CTNNA2: variants seen among roughly 807,000 people sequenced by gnomAD.
CTNNA2 encodes catenin alpha-2.
In CTNNA2, 42 loss-of-function variants were observed where a neutral mutation model predicts 101.0. The observed-to-expected ratio is 0.42, with a 90% confidence interval of 0.32 to 0.54. The LOEUF is 0.54. CTNNA2 is among the 20% of genes least tolerant of loss of function. The pLI is 0.14. For synonymous variants in CTNNA2, 450 were observed against 456.4 expected (o/e 0.99, Z 0.18); for missense variants, 871 against 1,223.1 (o/e 0.71, Z 4.29).
chr2:79,600,780 A>G (rs7571081), intron 1 of CTNNA2, among the ~76,000 whole-genome samples: 22,073 of 152,056 alleles, frequency 0.15, 2,582 homozygotes, highest in African/African-American at 0.33. Flanking sequence ...AGGCAGCAGC[A>G]AATCCTATAT....
intron 7 of CTNNA2, among the ~76,000 whole-genome samples, chr2:80,176,048 T>C (rs1473734800): frequency 6.6e-6 from 1 of 152,200 alleles, no homozygotes; most frequent in Non-Finnish European, 1.5e-5. Flanking sequence ...CTGACTCAAA[T>C]GTTAATCCCC....
intron 7 of CTNNA2, among the ~76,000 whole-genome samples, chr2:79,996,913 G>A (rs1178577089): frequency 6.6e-6 from 1 of 152,078 alleles, no homozygotes; most frequent in African/African-American, 2.4e-5. Flanking sequence ...GGAGAGTCGT[G>A]ATCAGTTGGC....
At chr2:80,385,392 C>T (rs1676906221) in intron 7 of CTNNA2, among the ~76,000 whole-genome samples, 1 of 152,152 alleles carries the variant, frequency 6.6e-6, no homozygotes, top group Non-Finnish European at 1.5e-5. Context: ...AAAAAGAAGA[C>T]AGCCTTCTTG....
intron 2 of CTNNA2, among the ~76,000 whole-genome samples, chr2:79,731,379 T>C (rs894895907): frequency 1.3e-5 from 2 of 152,116 alleles, no homozygotes; most frequent in Admixed American, 6.6e-5. Context: ...GTGGTTGATA[T>C]CTGTTTTCTG....
At chr2:80,540,594 C>T (rs1231544782) in intron 9 of CTNNA2, among the ~76,000 whole-genome samples, 1 of 109,372 alleles carries the variant, frequency 9.1e-6, no homozygotes, top group African/African-American at 3.9e-5. Flanking sequence ...GAGACTCCAT[C>T]TCAAAAAAAA....
chr2:80,117,603 A>G (rs1169975997), intron 7 of CTNNA2, among the ~76,000 whole-genome samples: 1 of 152,022 alleles, frequency 6.6e-6, no homozygotes, highest in Non-Finnish European at 1.5e-5. Context: ...GGAAAGCTTC[A>G]TGCCCCAACC....
At chr2:79,651,417 A>G in intron 1 of CTNNA2, 135 bp from the exon 2 acceptor site, 1 of 781,268 alleles carries the variant, frequency 1.3e-6, no homozygotes, top group Non-Finnish European at 2.1e-6. Flanking sequence ...TTCCATCTCT[A>G]ATTTGACCAG....
chr2:79,532,641 T>A (rs1672814215), intron 1 of CTNNA2, among the ~76,000 whole-genome samples: 1 of 151,960 alleles, frequency 6.6e-6, no homozygotes, highest in South Asian at 2.1e-4. Flanking sequence ...TTTTGGAACA[T>A]CCAAAAACCG....
chr2:79,681,573 T>C (rs1345594423), intron 2 of CTNNA2, among the ~76,000 whole-genome samples: 1 of 152,318 alleles, frequency 6.6e-6, no homozygotes, highest in East Asian at 1.9e-4. Flanking sequence ...TGTCCACAAG[T>C]GTTATTAGTG....
At chr2:80,072,788 G>A (rs983695080) in intron 7 of CTNNA2, among the ~76,000 whole-genome samples, 2 of 152,144 alleles carry the variant, frequency 1.3e-5, no homozygotes, top group African/African-American at 4.8e-5. Flanking sequence ...AGAAAATAGG[G>A]AGGGTCAAGG....
intron 12 of CTNNA2, among the ~76,000 whole-genome samples, chr2:80,563,793 C>T (rs1012857807): frequency 2.0e-5 from 3 of 152,132 alleles, no homozygotes; most frequent in Admixed American, 6.6e-5. Context: ...GTACCTGTTA[C>T]TCTTATTATC....
At chr2:80,136,323 T>C (rs1362688038) in intron 7 of CTNNA2, among the ~76,000 whole-genome samples, 1 of 152,170 alleles carries the variant, frequency 6.6e-6, no homozygotes, top group Admixed American at 6.5e-5. Flanking sequence ...AGCCTTAGCA[T>C]CTGATTTGTA....
intron 2 of CTNNA2, among the ~76,000 whole-genome samples, chr2:79,740,303 C>T (rs1363269499): frequency 6.6e-6 from 1 of 152,152 alleles, no homozygotes; most frequent in Non-Finnish European, 1.5e-5. Context: ...CCTCTAGCTC[C>T]ATCCATGATC....
At chr2:80,133,635 G>GA (rs1208557868) in intron 7 of CTNNA2, among the ~76,000 whole-genome samples, 4 of 152,200 alleles carry the variant, frequency 2.6e-5, no homozygotes, top group South Asian at 2.1e-4. Flanking sequence ...CATGTGTATA[G>GA]AAAAAAATTG....
Position 80,541,946 on chromosome 2 carries a change from A to G in CTNNA2, c.1291-3036A>G, listed in dbSNP as rs546000325. On this transcript the variant is annotated intron_variant, in intron 9 of 18. Transcript: ENST00000402739. The stretch of plus-strand genomic sequence containing the variant: ...ATCCCAAAGTAAAGAATGTGTAATG[A>G]ACCATCATACACTGTCACTCAGCTT... Among the ~76,000 whole-genome samples, 19 of 122,060 alleles carry G rather than the reference A, an allele frequency of 1.6e-4. No homozygotes were observed. The East Asian group carries it at 4.2e-3, about 27-fold the overall frequency. 80.1% of individuals were successfully genotyped at this position (122,060 alleles called of 152,430 possible). A position where few individuals can be genotyped will look rare whatever the true frequency, so the allele number is the denominator to read the frequency against.
intron 7 of CTNNA2, among the ~76,000 whole-genome samples, chr2:80,165,973 C>T (rs917113245): frequency 7.9e-5 from 12 of 152,078 alleles, no homozygotes; most frequent in African/African-American, 2.9e-4. Context: ...TGGTGTTTAC[C>T]TAAAGTGGCT....
chr2:79,597,007 T>A (rs1230642345), intron 1 of CTNNA2, among the ~76,000 whole-genome samples: 1 of 152,192 alleles, frequency 6.6e-6, no homozygotes, highest in South Asian at 2.1e-4. Flanking sequence ...CACATCCACC[T>A]TGCATAGAGC....
chr2:79,597,709 C>A (rs142011236), intron 1 of CTNNA2, among the ~76,000 whole-genome samples: 3 of 152,120 alleles, frequency 2.0e-5, no homozygotes, highest in Non-Finnish European at 4.4e-5. Context: ...CATCCCCACA[C>A]GTGCACAGCC....
At chr2:79,355,170 C>T (rs1243727861) in intron 3 of CTNNA2, among the ~76,000 whole-genome samples, 1 of 152,070 alleles carries the variant, frequency 6.6e-6, no homozygotes, top group Non-Finnish European at 1.5e-5. Flanking sequence ...TGTGACACCT[C>T]CAGCTTTGTT....
Sources: gnomAD v4.1 joint callset for allele counts (sites outside exome capture counted in the v4.1 genomes callset) on GRCh38, gnomAD v4.1.1 for gene constraint, MANE v1.5 for transcripts, NCBI Gene and HGNC (gene_info 2026-07-23, HGNC 2026-07-21) for gene names.